Variants in CDK5RAP2 observed in about 807,000 individuals in gnomAD.
The protein encoded by CDK5RAP2 is CDK5 regulatory subunit associated protein 2.
Under a neutral mutation model 232.9 loss-of-function variants are expected in CDK5RAP2, and 147 were observed. The observed-to-expected ratio is 0.63, with a 90% CI of 0.55 to 0.72. The LOEUF is 0.72. Among genes scored for constraint, CDK5RAP2 ranks in the 30% least tolerant of loss-of-function variants. The pLI is 0.00. For synonymous variants in CDK5RAP2, 833 were observed against 833.7 expected (o/e 1.00, Z 0.01); for missense variants, 2,195 against 2,231.5 (o/e 0.98, Z 0.33).
chr9:120,427,903 T>A (rs2035021479), intron 25 of CDK5RAP2, among the ~76,000 whole-genome samples: 1 of 152,108 alleles, frequency 6.6e-6, no homozygotes, highest in African/African-American at 2.4e-5. Context: ...TATAACAAAC[T>A]GTCTCTCAGA....
chr9:120,423,618 C>A (rs1393302033), intron 25 of CDK5RAP2, among the ~76,000 whole-genome samples: 1 of 152,170 alleles, frequency 6.6e-6, no homozygotes, highest in Non-Finnish European at 1.5e-5. Flanking sequence ...AAGAGACTAA[C>A]AACTTTATTT....
chr9:120,485,563 G>T (rs940113496), intron 14 of CDK5RAP2, among the ~76,000 whole-genome samples: 2 of 152,130 alleles, frequency 1.3e-5, no homozygotes, highest in Non-Finnish European at 2.9e-5. Flanking sequence ...AAAGTGCTGG[G>T]ATTACAGGAG....
intron 5 of CDK5RAP2, among the ~76,000 whole-genome samples, chr9:120,541,812 T>C (rs1329647609): frequency 1.3e-5 from 2 of 152,116 alleles, no homozygotes; most frequent in Non-Finnish European, 2.9e-5. Flanking sequence ...CAAAGAAGGA[T>C]CTCAGTAAGT....
At chr9:120,570,536 C>A (rs188691574) in intron 2 of CDK5RAP2, among the ~76,000 whole-genome samples, 2 of 152,090 alleles carry the variant, frequency 1.3e-5, no homozygotes, top group Non-Finnish European at 2.9e-5. Context: ...TGTATACTAT[C>A]GGCTAAATTA....
chr9:120,451,581 A>T (rs967375346), intron 21 of CDK5RAP2, among the ~76,000 whole-genome samples: 6 of 152,190 alleles, frequency 3.9e-5, no homozygotes, highest in Non-Finnish European at 8.8e-5. Context: ...ACCAAAGACC[A>T]CAAAAAATAT....
At chr9:120,573,087 C>T (rs2042911629) in intron 1 of CDK5RAP2, among the ~76,000 whole-genome samples, 1 of 152,226 alleles carries the variant, frequency 6.6e-6, no homozygotes, top group Non-Finnish European at 1.5e-5. Flanking sequence ...AACAGCTTGA[C>T]TTCTTGGCAA....
At chr9:120,428,798 C>G (rs1286900568) in intron 25 of CDK5RAP2, among the ~76,000 whole-genome samples, 2 of 152,126 alleles carry the variant, frequency 1.3e-5, no homozygotes, top group Non-Finnish European at 2.9e-5. Flanking sequence ...GGCAGAGACA[C>G]AGCCAAAAAA....
chr9:120,537,783 A>C (rs2041458434), intron 6 of CDK5RAP2, among the ~76,000 whole-genome samples: 1 of 152,162 alleles, frequency 6.6e-6, no homozygotes, highest in Non-Finnish European at 1.5e-5. Flanking sequence ...GTCTATAAAG[A>C]GCTTAGAAGG....
chr9:120,480,661 T>G (rs2038252786), intron 14 of CDK5RAP2, among the ~76,000 whole-genome samples: 1 of 152,182 alleles, frequency 6.6e-6, no homozygotes, highest in Admixed American at 6.5e-5. Context: ...ATTTAAACAT[T>G]TTTTCAAGAT....
At chr9:120,407,306 C>T (rs1442540235) in intron 31 of CDK5RAP2, 58 bp from the exon 32 acceptor site, 8 of 1,319,426 alleles carry the variant, frequency 6.1e-6, no homozygotes, top group African/African-American at 1.4e-5. Context: ...GGTCAGCCAT[C>T]GAAGGAACTC....
intron 25 of CDK5RAP2, among the ~76,000 whole-genome samples, chr9:120,436,916 A>G (rs1436055809): frequency 6.6e-6 from 1 of 152,108 alleles, no homozygotes; most frequent in East Asian, 1.9e-4. Context: ...CATTTAAAAC[A>G]CATGAGTTTT....
rs375171508 is a variant in CDK5RAP2 at position 120,394,675 on chromosome 9, C to T, written c.5452-37G>A. On this transcript the variant is annotated intron_variant, in intron 35 of 37. Transcript: ENST00000349780. The stretch of plus-strand genomic sequence containing the variant: ...AGAAATTAGAAAAATGAACAAAGAA[C>T]ATAAACATCATGTTACACAGGAAGA... 2.8e-6 allele frequency: 4 copies of T among 1,454,180 alleles called. No individual in the cohort carries two copies. The African/African-American group carries it at 5.6e-5, about 20-fold the overall frequency. 90.1% of individuals were successfully genotyped at this position (1,454,180 alleles called of 1,614,324 possible).
intron 14 of CDK5RAP2, among the ~76,000 whole-genome samples, chr9:120,478,639 G>C (rs1405035672): frequency 6.6e-6 from 1 of 152,102 alleles, no homozygotes; most frequent in African/African-American, 2.4e-5. Flanking sequence ...ACATTCGCTG[G>C]ATATGGTGGC....
chr9:120,459,756 A>G, intron 19 of CDK5RAP2, among the ~76,000 whole-genome samples: 1 of 152,200 alleles, frequency 6.6e-6, no homozygotes, highest in East Asian at 1.9e-4. Flanking sequence ...AATGAGGTTG[A>G]TCTGGTTGCA....
At chr9:120,571,031 C>T (rs1002405722) in intron 2 of CDK5RAP2, among the ~76,000 whole-genome samples, 1 of 152,080 alleles carries the variant, frequency 6.6e-6, no homozygotes, top group Non-Finnish European at 1.5e-5. Flanking sequence ...TCGTGGCACA[C>T]GCCTGTAGTC....
intron 14 of CDK5RAP2, among the ~76,000 whole-genome samples, chr9:120,484,980 T>C (rs1195058279): frequency 6.6e-6 from 1 of 151,990 alleles, no homozygotes; most frequent in African/African-American, 2.4e-5. Flanking sequence ...TGTCTCAGCC[T>C]CCCACAATGC....
chr9:120,580,018 G>A lies in CDK5RAP2; in HGVS notation c.-40C>T. 1.4e-6 allele frequency: 2 copies of A among 1,385,010 alleles called. No homozygotes were observed. Among genetic ancestry groups the A allele is most frequent in the Non-Finnish European group, 2.0e-6 (2 of 976,702 alleles). 85.8% of individuals were successfully genotyped at this position (1,385,010 alleles called of 1,614,324 possible). A position where few individuals can be genotyped will look rare whatever the true frequency, so the allele number is the denominator to read the frequency against. ...CGACAGCGTTGGTGTCTGTGGCGGC[G>A]GCGCCACTAGTACCCCCCGCGATAG... On this transcript the variant is annotated 5_prime_UTR_variant, in exon 1 of 38. Coordinates refer to ENST00000349780, the MANE Select transcript of CDK5RAP2 (RefSeq NM_018249.6).
At chr9:120,547,657 C>G (rs2041898744) in intron 4 of CDK5RAP2, among the ~76,000 whole-genome samples, 1 of 152,128 alleles carries the variant, frequency 6.6e-6, no homozygotes, top group East Asian at 1.9e-4. Flanking sequence ...ATATGCCTCC[C>G]TCCTTTCTGG....
Position 120,408,407 on chromosome 9 carries a change from A to G in CDK5RAP2, c.4666T>C (p.Ser1556Pro). ...LLSQNDKLLQ[S>P]LRVELKAYEK... ...TACGCCTTCAGCTCCACTCGGAGAG[A>G]CTGCAATAGCTTGTCATTCTGTGAG... The change falls in exon 31 of 38, where the codon TCT becomes CCT. Residue 1556 changes from serine (S) to proline (P), a missense_variant. By Grantham distance (74) the Ser-to-Pro change is moderately conservative (BLOSUM62 -1). Transcript: ENST00000349780. 1 of 1,614,122 alleles carries G rather than the reference A, an allele frequency of 6.2e-7. No individual in the cohort carries two copies. The highest frequency in any genetic ancestry group is 8.5e-7 in the Non-Finnish European group (1 of 1,180,008).
Sources: allele counts gnomAD v4.1 joint callset (sites outside exome capture counted in the v4.1 genomes callset), GRCh38; gene constraint gnomAD v4.1.1; transcripts MANE v1.5; gene names NCBI Gene and HGNC (gene_info 2026-07-23, HGNC 2026-07-21).